The following DCUN1D2 variants were observed in gnomAD, a reference collection of about 807,000 sequenced individuals.
DCUN1D2 encodes defective in cullin neddylation 1 domain containing 2.
Under a neutral mutation model 30.9 loss-of-function variants are expected in DCUN1D2, and 29 were observed. The observed-to-expected ratio is 0.94, with a 90% CI of 0.70 to 1.28. The LOEUF (loss-of-function observed/expected upper bound fraction) is 1.28, where lower values mean the gene tolerates loss of function less well. Among genes scored for constraint, DCUN1D2 ranks in the 50% most tolerant of loss-of-function variants. The pLI is 0.00. For missense variants in DCUN1D2, 325 were observed against 316.9 expected, an observed-to-expected ratio of 1.03 and a Z score of -0.19; for synonymous variants, 121 against 115.3, an observed-to-expected ratio of 1.05 and a Z score of -0.32.
intron 3 of DCUN1D2, among the ~76,000 whole-genome samples, chr13:113,479,324 CG>C (rs1252414665): frequency 3.3e-5 from 5 of 152,196 alleles, no homozygotes; most frequent in Non-Finnish European, 7.4e-5. Context: ...TACATAAAAA[CG>C]TAAGTGTGAC....
In DCUN1D2 at chr13:113,488,191, A is replaced by G. The variant is rs888434003; in HGVS notation, c.3+2476T>C. ...AGAGTGGACAGAAGTCGGTATCCAG[A>G]AACACGAAGAGCCCCCTGCAATCTA... On this transcript the variant is annotated intron_variant, in intron 1 of 6. Coordinates refer to ENST00000478244, the MANE Select transcript of DCUN1D2 (RefSeq NM_001014283.2). This position sits in a 1 kb window ranked among gnomAD's most constrained non-coding sequence, Gnocchi z 4.3. 6.6e-6 allele frequency among the ~76,000 whole-genome samples: 1 copy of G among 152,256 alleles called. No homozygotes were observed. The highest frequency in any genetic ancestry group is 6.5e-5 in the Admixed American group (1 of 15,292).
Position 113,459,384 on chromosome 13 carries a change from T to C in DCUN1D2, c.628A>G (p.Arg210Gly). Residue 210 changes from arginine (R) to glycine (G), a missense_variant, in exon 6 of 7, where the codon AGG becomes GGG. Physicochemically the swap from Arg to Gly is moderately radical, Grantham distance 125. Transcript: ENST00000478244. Reference protein sequence around the residue: ...LMEHHKRSIPRDTWNLLLDFG... With the variant: ...LMEHHKRSIPGDTWNLLLDFG... Reference sequence around the variant, plus strand: ...TCCAGCAGGAGGTTCCAGGTGTCCCTTGGAATTGATCTTTTGTGATGTTCC... The same window carrying C: ...TCCAGCAGGAGGTTCCAGGTGTCCCCTGGAATTGATCTTTTGTGATGTTCC... 2 of 1,587,298 alleles carry C rather than the reference T, an allele frequency of 1.3e-6. No individual in the cohort carries two copies. The highest frequency in any genetic ancestry group is 1.7e-6 in the Non-Finnish European group (2 of 1,155,660).
intron 2 of DCUN1D2, among the ~76,000 whole-genome samples, chr13:113,481,102 T>G (rs7319843): frequency 3.3e-4 from 50 of 152,296 alleles, no homozygotes; most frequent in African/African-American, 1.2e-3. Context: ...TGCTATAAAA[T>G]ATACTGTATT....
chr13:113,490,767 G>A (rs921092488), upstream of DCUN1D2: 4 of 1,100,124 alleles, frequency 3.6e-6, no homozygotes, highest in African/African-American at 3.3e-5. The surrounding 1 kb of genome is among the most constrained non-coding windows in gnomAD (Gnocchi z 5.2). Flanking sequence ...CCTCGGCTCC[G>A]GGGCAGTGCC....
At chr13:113,479,752 G>A (rs538708590) in intron 3 of DCUN1D2, among the ~76,000 whole-genome samples, 1 of 152,180 alleles carries the variant, frequency 6.6e-6, no homozygotes, top group East Asian at 1.9e-4. Context: ...AAACAAGTAG[G>A]AGTACACTCG....
intron 6 of DCUN1D2, among the ~76,000 whole-genome samples, chr13:113,458,675 A>G (rs745459863): frequency 2.6e-5 from 4 of 152,192 alleles, no homozygotes; most frequent in African/African-American, 4.8e-5. Context: ...AGTGTGGAGG[A>G]CACAAAGAGA....
intron 3 of DCUN1D2, among the ~76,000 whole-genome samples, chr13:113,475,207 A>G (rs567383484): frequency 2.0e-4 from 31 of 152,328 alleles, no homozygotes; most frequent in Admixed American, 2.0e-3. Flanking sequence ...TCAACAGCAG[A>G]AGGCGTATGT....
Position 113,490,695 on chromosome 13 carries a change from C to G in DCUN1D2, c.-26G>C, listed in dbSNP as rs2044956947. 1 of 1,220,426 alleles carries G rather than the reference C, an allele frequency of 8.2e-7. No homozygotes were observed. The highest frequency in any genetic ancestry group is 3.6e-5 in the East Asian group (1 of 27,458). The allele number at this position is 1,220,426 out of a possible 1,614,324, so 75.6% of individuals were successfully genotyped here. On this transcript the variant is annotated 5_prime_UTR_variant, in exon 1 of 7. Coordinates refer to ENST00000478244, the MANE Select transcript of DCUN1D2 (RefSeq NM_001014283.2). The surrounding 1 kb of genome is among the most constrained non-coding windows in gnomAD (Gnocchi z 5.2). The stretch of plus-strand genomic sequence containing the variant: ...CTCCCCCGCGCCGCCCGCTTCTGGC[C>G]GGCCCCGGCCTTCTGCGCAGGCGCG...
chr13:113,464,314 G>A (rs1455776913), intron 4 of DCUN1D2, among the ~76,000 whole-genome samples: 2 of 152,194 alleles, frequency 1.3e-5, no homozygotes, highest in African/African-American at 4.8e-5. Context: ...CTATAAATCT[G>A]TTGCAGCTTT....
At chr13:113,461,178 C>A in intron 4 of DCUN1D2, 42 bp from the exon 5 acceptor site, 6 of 1,249,960 alleles carry the variant, frequency 4.8e-6, no homozygotes, top group Non-Finnish European at 6.9e-6. Flanking sequence ...ATCTCACTCT[C>A]TTTTTCTACT....
rs1194657182 is a variant in DCUN1D2 at position 113,456,993 on chromosome 13, C to A, written c.*1036G>T. On this transcript the variant is annotated 3_prime_UTR_variant, in exon 7 of 7. Coordinates refer to ENST00000478244, the MANE Select transcript of DCUN1D2 (RefSeq NM_001014283.2). The stretch of plus-strand genomic sequence containing the variant: ...CTCCTGAGTTCAAGCGAATCTCCTG[C>A]CTCAGCCTCCTGAGTAGCTGGGATT... The A allele has an allele frequency of 6.6e-6, 1 of 152,234 alleles. No homozygotes were observed. The highest frequency in any genetic ancestry group is 6.5e-5 in the Admixed American group (1 of 15,278). 9.4% of individuals were successfully genotyped at this position (152,234 alleles called of 1,614,324 possible).
At chr13:113,459,480 C>T (rs1324746234) in intron 5 of DCUN1D2, 72 bp from the exon 6 acceptor site, 24 of 711,774 alleles carry the variant, frequency 3.4e-5, no homozygotes, top group Non-Finnish European at 5.0e-6. Flanking sequence ...ATTCTAGTGG[C>T]CTAGCGATCT....
intron 4 of DCUN1D2, among the ~76,000 whole-genome samples, chr13:113,470,552 C>T (rs1238908338): frequency 6.6e-6 from 1 of 151,778 alleles, no homozygotes; most frequent in Non-Finnish European, 1.5e-5. Flanking sequence ...CACAGAAGAC[C>T]CAACTCCACA....
intron 4 of DCUN1D2, chr13:113,468,859 CG>C (rs1236026167): frequency 2.0e-5 from 3 of 152,356 alleles, no homozygotes; most frequent in Non-Finnish European, 4.4e-5. Flanking sequence ...CAACAGGACC[CG>C]TGTGTTGCCG....
intron 1 of DCUN1D2, among the ~76,000 whole-genome samples, chr13:113,487,567 G>A (rs981371753): frequency 1.2e-4 from 18 of 152,084 alleles, no homozygotes; most frequent in Non-Finnish European, 2.2e-4. Flanking sequence ...GACTCCAGCC[G>A]CACAGTGCAT....
intron 4 of DCUN1D2, 85 bp downstream of exon 4, chr13:113,474,039 T>C: frequency 6.6e-7 from 1 of 1,526,458 alleles, no homozygotes; most frequent in Admixed American, 1.8e-5. Context: ...AACATTACAG[T>C]TGGCTGCACA....
chr13:113,474,271 T>C lies in DCUN1D2; in HGVS notation c.390-17A>G, dbSNP rs749660245. On this transcript the variant is annotated splice_polypyrimidine_tract_variant and intron_variant, in intron 3 of 6. Transcript: ENST00000478244. ...CTGTCACACCTGCGATGACAGAGAG[T>C]GGTTTGTCTTGCAGCAGATGCGCCT... The C allele has an allele frequency of 1.9e-6, 3 of 1,612,022 alleles. No individual in the cohort carries two copies. The South Asian group carries it at 3.3e-5, about 18-fold the overall frequency.
At chr13:113,481,726 A>T (rs553568258) in intron 2 of DCUN1D2, among the ~76,000 whole-genome samples, 1 of 152,200 alleles carries the variant, frequency 6.6e-6, no homozygotes, top group South Asian at 2.1e-4. Context: ...TCTACTAAAA[A>T]TACAAAAATT....
rs193265693 is a variant in DCUN1D2, at chr13:113,480,850, C to T, written c.221-107G>A. The T allele has an allele frequency of 3.0e-4, 356 of 1,187,208 alleles. 3 individuals are homozygous for T. The East Asian group carries it at 6.8e-3, about 23-fold the overall frequency. The allele number at this position is 1,187,208 out of a possible 1,614,324, so 73.5% of individuals were successfully genotyped here. A position where few individuals can be genotyped will look rare whatever the true frequency, so the allele number is the denominator to read the frequency against. On this transcript the variant is annotated intron_variant, in intron 2 of 6. Coordinates refer to ENST00000478244, the MANE Select transcript of DCUN1D2 (RefSeq NM_001014283.2). Reference sequence around the variant, plus strand: ...GATTATACTACATAGTTCTAGCAAGCGTGTTTCCAATACATCAATCAATAG... The same window carrying T: ...GATTATACTACATAGTTCTAGCAAGTGTGTTTCCAATACATCAATCAATAG...
Sources: allele counts gnomAD v4.1 joint callset (sites outside exome capture counted in the v4.1 genomes callset), GRCh38; gene constraint gnomAD v4.1.1; non-coding constraint Gnocchi (gnomAD v3.1); transcripts MANE v1.5; gene names NCBI Gene and HGNC (gene_info 2026-07-23, HGNC 2026-07-21).